Variants in IMMP2L observed in about 807,000 individuals in gnomAD.
The protein encoded by IMMP2L is mitochondrial inner membrane protease subunit 2.
A neutral mutation model predicts 19.3 loss-of-function variants in IMMP2L; 18 were observed. The observed-to-expected ratio is 0.93, with a 90% CI of 0.64 to 1.38. The LOEUF (loss-of-function observed/expected upper bound fraction) is 1.38, where lower values mean the gene tolerates loss of function less well. IMMP2L is among the 40% of genes most tolerant of loss of function. The probability of loss-of-function intolerance (pLI) is 0.00; values close to 1 mark genes in which losing one functional copy is unlikely to be tolerated. For missense variants in IMMP2L, 233 were observed against 218.2 expected (o/e 1.07, Z -0.43); for synonymous variants, 76 against 73.0 (o/e 1.04, Z -0.21).
chr7:111,009,666 T>C (rs1365378818), intron 3 of IMMP2L, among the ~76,000 whole-genome samples: 1 of 152,118 alleles, frequency 6.6e-6, no homozygotes, highest in Non-Finnish European at 1.5e-5. Flanking sequence ...TGTTTTTGTT[T>C]TCAGTCTGTC....
At chr7:110,673,073 C>T (rs191484678) in intron 5 of IMMP2L, among the ~76,000 whole-genome samples, 33 of 152,354 alleles carry the variant, frequency 2.2e-4, no homozygotes, top group Admixed American at 1.7e-3. Flanking sequence ...TGAGAGCTCC[C>T]CATCTGCAGC....
chr7:111,495,210 C>T (rs1188209001), intron 2 of IMMP2L, among the ~76,000 whole-genome samples: 1 of 151,944 alleles, frequency 6.6e-6, no homozygotes, highest in Non-Finnish European at 1.5e-5. Flanking sequence ...AAATGATTTC[C>T]ATTTTCTCCC....
At chr7:110,672,317 C>T (rs1354564732) in intron 5 of IMMP2L, among the ~76,000 whole-genome samples, 1 of 152,042 alleles carries the variant, frequency 6.6e-6, no homozygotes, top group East Asian at 1.9e-4. Context: ...GTGATTGACC[C>T]CATGATTCAA....
At chr7:111,478,622 T>C (rs1443344612) in intron 3 of IMMP2L, among the ~76,000 whole-genome samples, 1 of 151,934 alleles carries the variant, frequency 6.6e-6, no homozygotes, top group Non-Finnish European at 1.5e-5. Flanking sequence ...AGGGAAGTCT[T>C]GCTATGTCAC....
chr7:110,760,142 G>A lies in IMMP2L; in HGVS notation c.409-96421C>T, dbSNP rs1425728835. On this transcript the variant is annotated intron_variant, in intron 5 of 5. Coordinates refer to ENST00000405709, the MANE Select transcript of IMMP2L (RefSeq NM_032549.4). This position sits in a 1 kb window ranked among gnomAD's most constrained non-coding sequence, Gnocchi z 4.2. Reference sequence around the variant, plus strand: ...ATTATTATCTACTTATCAGCCTTGGGTTGAGAATTCACTTGCTTTTGTGCC... The same window carrying A: ...ATTATTATCTACTTATCAGCCTTGGATTGAGAATTCACTTGCTTTTGTGCC... Among the ~76,000 whole-genome samples the A allele has an allele frequency of 6.6e-6, 1 of 152,040 alleles. No individual in the cohort carries two copies. Among genetic ancestry groups the A allele is most frequent in the East Asian group, 1.9e-4 (1 of 5,170 alleles).
At chr7:111,059,889 A>G (rs1793860170) in intron 3 of IMMP2L, among the ~76,000 whole-genome samples, 1 of 151,606 alleles carries the variant, frequency 6.6e-6, no homozygotes, top group Non-Finnish European at 1.5e-5. Flanking sequence ...TTTACAGCAT[A>G]TGGTAATAAC....
intron 3 of IMMP2L, among the ~76,000 whole-genome samples, chr7:111,257,308 C>G (rs1816817975): frequency 6.6e-6 from 1 of 152,038 alleles, no homozygotes; most frequent in Non-Finnish European, 1.5e-5. Context: ...GAAAATTAGT[C>G]CAAAAGCCTA....
intron 3 of IMMP2L, among the ~76,000 whole-genome samples, chr7:111,004,764 T>A (rs1019182805): frequency 2.0e-5 from 3 of 152,180 alleles, no homozygotes; most frequent in African/African-American, 7.2e-5. Flanking sequence ...TGACCCTAAC[T>A]GGGCATGATT....
chr7:110,682,699 T>C (rs917016234), intron 5 of IMMP2L, among the ~76,000 whole-genome samples: 1 of 152,086 alleles, frequency 6.6e-6, no homozygotes, highest in Non-Finnish European at 1.5e-5. Context: ...GAGAGTCCTA[T>C]TGAATGCCAC....
At chr7:111,207,629 G>C (rs556448995) in intron 3 of IMMP2L, among the ~76,000 whole-genome samples, 1 of 146,708 alleles carries the variant, frequency 6.8e-6, no homozygotes, top group Admixed American at 6.9e-5. Context: ...TCAGCCTTCC[G>C]GGTTCAAGCG....
chr7:111,521,545 G>T, intron 1 of IMMP2L, 96 bp from the exon 2 acceptor site: 2 of 1,066,682 alleles, frequency 1.9e-6, no homozygotes, highest in Non-Finnish European at 2.7e-6. Flanking sequence ...GTTACCGAAG[G>T]GCAATCTTGT....
intron 3 of IMMP2L, among the ~76,000 whole-genome samples, chr7:111,329,610 C>T (rs1033939366): frequency 1.3e-5 from 2 of 151,858 alleles, no homozygotes; most frequent in Non-Finnish European, 2.9e-5. Context: ...TGAAAACGCA[C>T]ATGGGACATG....
At chr7:111,174,624 G>A (rs1043343370) in intron 3 of IMMP2L, among the ~76,000 whole-genome samples, 9 of 151,496 alleles carry the variant, frequency 5.9e-5, no homozygotes, top group Admixed American at 1.3e-4. Context: ...TTCTATTACC[G>A]TATGAAAAAC....
intron 3 of IMMP2L, among the ~76,000 whole-genome samples, chr7:111,189,130 A>C (rs547940303): frequency 6.6e-6 from 1 of 152,272 alleles, no homozygotes; most frequent in East Asian, 1.9e-4. Context: ...AGAAGAAATA[A>C]GATAATTCAT....
chr7:110,702,334 T>C lies in IMMP2L; in HGVS notation c.409-38613A>G, dbSNP rs553216081. On this transcript the variant is annotated intron_variant, in intron 5 of 5. Coordinates refer to ENST00000405709, the MANE Select transcript of IMMP2L (RefSeq NM_032549.4). ...TGGCTCATATATTATTTGGCTTTAA[T>C]GTATATACATATACATGTTCACAGA... 2.0e-5 allele frequency among the ~76,000 whole-genome samples: 3 copies of C among 152,328 alleles called. No individual in the cohort carries two copies. In the South Asian group the frequency reaches 6.2e-4, roughly 32 times the overall value.
intron 3 of IMMP2L, among the ~76,000 whole-genome samples, chr7:111,326,935 A>T (rs40632): frequency 0.094 from 14,213 of 151,914 alleles, 727 homozygotes; most frequent in African/African-American, 0.12. Context: ...AGCACTATTC[A>T]CAATAGCCAA....
intron 5 of IMMP2L, among the ~76,000 whole-genome samples, chr7:110,698,514 C>T (rs1036085369): frequency 1.3e-5 from 2 of 152,146 alleles, no homozygotes; most frequent in Non-Finnish European, 2.9e-5. Context: ...AATACCCTCC[C>T]CTCTACCTAC....
At chr7:111,330,298 T>C (rs1357977750) in intron 3 of IMMP2L, among the ~76,000 whole-genome samples, 1 of 150,368 alleles carries the variant, frequency 6.7e-6, no homozygotes, top group East Asian at 2.0e-4. Flanking sequence ...ATGAATAAAA[T>C]GAAATAGAGA....
chr7:111,403,447 GTATA>G (rs111864985), intron 3 of IMMP2L, among the ~76,000 whole-genome samples: 4 of 146,538 alleles, frequency 2.7e-5, no homozygotes, highest in Non-Finnish European at 3.0e-5. Context: ...TACAGCCCAG[GTATA>G]TATATATATA....
Sources: gnomAD v4.1 joint callset for allele counts (sites outside exome capture counted in the v4.1 genomes callset) on GRCh38, gnomAD v4.1.1 for gene constraint, Gnocchi (gnomAD v3.1) non-coding constraint, MANE v1.5 for transcripts, NCBI Gene and HGNC (gene_info 2026-07-23, HGNC 2026-07-21) for gene names.